Variants in VPS13B observed in about 807,000 individuals in gnomAD.
The protein encoded by VPS13B is vacuolar protein sorting 13 homolog B, also known as intermembrane lipid transfer protein VPS13B.
VPS13B carries 285 observed loss-of-function variants against 426.4 expected under a neutral mutation model. The observed-to-expected ratio is 0.67, with a 90% CI of 0.61 to 0.74. The LOEUF (loss-of-function observed/expected upper bound fraction) is 0.74. Ranked by LOEUF, VPS13B falls within the 30% of genes least tolerant of loss-of-function variation. VPS13B has a pLI of 0.00. For missense variants in VPS13B, 4,537 were observed against 4,782.6 expected (o/e 0.95, Z 1.51); for synonymous variants, 1,676 against 1,676.4 (o/e 1.00, Z 0.01).
chr8:99,618,230 C>T (rs1828189431), intron 33 of VPS13B, among the ~76,000 whole-genome samples: 1 of 141,518 alleles, frequency 7.1e-6, no homozygotes, highest in South Asian at 2.2e-4. Flanking sequence ...TAAGCAGTAG[C>T]AAATGTACTA....
Position 99,324,257 on chromosome 8 carries a change from A to G in VPS13B, c.2824+49003A>G, listed in dbSNP as rs535970201. Among the ~76,000 whole-genome samples the G allele has an allele frequency of 3.9e-5, 6 of 152,356 alleles. No individual in the cohort carries two copies. The South Asian group carries it at 1.2e-3, about 32-fold the overall frequency. ...TAATTTTCACTTTCTCAAACTGTTGAAGTAAATAATTGTTGGGTACCTATT... is the reference window on the plus strand; with the variant it reads ...TAATTTTCACTTTCTCAAACTGTTGGAGTAAATAATTGTTGGGTACCTATT... On this transcript the variant is annotated intron_variant, in intron 19 of 61. Coordinates refer to ENST00000357162, the MANE Select transcript of VPS13B (RefSeq NM_152564.5).
chr8:99,197,273 G>A (rs992776653), intron 17 of VPS13B, among the ~76,000 whole-genome samples: 1 of 152,160 alleles, frequency 6.6e-6, no homozygotes, highest in Non-Finnish European at 1.5e-5. Flanking sequence ...ATATTGGTCT[G>A]TAAGTTTGTT....
intron 57 of VPS13B, among the ~76,000 whole-genome samples, chr8:99,860,309 C>T (rs937502380): frequency 2.1e-4 from 32 of 152,222 alleles, no homozygotes; most frequent in African/African-American, 7.7e-4. Flanking sequence ...CAGCCAGAGT[C>T]ATAAAAACAA....
At chr8:99,628,772 T>A (rs2133906595) in intron 33 of VPS13B, among the ~76,000 whole-genome samples, 1 of 151,874 alleles carries the variant, frequency 6.6e-6, no homozygotes, top group East Asian at 1.9e-4. Flanking sequence ...TTACTAGCTA[T>A]GTGTTTTTTT....
chr8:99,135,527 C>G, intron 10 of VPS13B, 69 bp from the exon 11 acceptor site: 1 of 1,561,468 alleles, frequency 6.4e-7, no homozygotes, highest in East Asian at 2.3e-5. Flanking sequence ...ATCATAAAAT[C>G]AAGGTTTTAT....
intron 19 of VPS13B, among the ~76,000 whole-genome samples, chr8:99,356,417 G>GC (rs1360682038): frequency 6.6e-6 from 1 of 152,306 alleles, no homozygotes; most frequent in African/African-American, 2.4e-5. Flanking sequence ...GGAGGCCCAG[G>GC]CAGGGGGATT....
At position 99,769,159 on chromosome 8, in the gene VPS13B, T is replaced by C. The variant is rs150294449; in HGVS notation, c.7247+2189T>C. 1.7e-3 allele frequency among the ~76,000 whole-genome samples: 264 copies of C among 152,328 alleles called. 1 individual carries two copies. The highest frequency in any genetic ancestry group is 6.2e-3 in the African/African-American group (258 of 41,578). On this transcript the variant is annotated intron_variant, in intron 40 of 61. Coordinates refer to ENST00000357162, the MANE Select transcript of VPS13B (RefSeq NM_152564.5). ...GCATCTGACATTGTAGTCACAGATCTTTGTCCTCACCAGGGATTTTTCACC... is the reference window on the plus strand; with the variant it reads ...GCATCTGACATTGTAGTCACAGATCCTTGTCCTCACCAGGGATTTTTCACC...
At chr8:99,029,745 C>G (rs919707421) in intron 2 of VPS13B, among the ~76,000 whole-genome samples, 3 of 143,726 alleles carry the variant, frequency 2.1e-5, no homozygotes, top group African/African-American at 7.8e-5. Context: ...AGCTTTGGCT[C>G]GGCATCAGAG....
At chr8:99,261,531 T>C (rs1046546882) in intron 17 of VPS13B, among the ~76,000 whole-genome samples, 2 of 152,198 alleles carry the variant, frequency 1.3e-5, no homozygotes, top group African/African-American at 4.8e-5. Context: ...TAAATATCTG[T>C]TTGCAGGTTT....
At chr8:99,717,661 A>T in intron 37 of VPS13B, among the ~76,000 whole-genome samples, 1 of 152,172 alleles carries the variant, frequency 6.6e-6, no homozygotes, top group South Asian at 2.1e-4. Flanking sequence ...ACCCATATCC[A>T]TTAGCAGCCA....
At chr8:99,078,337 G>T (rs1341148560) in intron 3 of VPS13B, among the ~76,000 whole-genome samples, 1 of 148,828 alleles carries the variant, frequency 6.7e-6, no homozygotes, top group African/African-American at 2.5e-5. Context: ...TCTTATAGAT[G>T]CATCTATTAT....
At chr8:99,303,048 A>C (rs1225513928) in intron 19 of VPS13B, among the ~76,000 whole-genome samples, 1 of 151,928 alleles carries the variant, frequency 6.6e-6, no homozygotes, top group Non-Finnish European at 1.5e-5. Context: ...TGGGAGGCCA[A>C]GGCGGGCGGA....
chr8:99,064,682 A>G (rs554718761), intron 3 of VPS13B, among the ~76,000 whole-genome samples: 5 of 152,326 alleles, frequency 3.3e-5, no homozygotes, highest in African/African-American at 1.2e-4. Flanking sequence ...GGAAAACACT[A>G]TGCAGGTTAT....
At chr8:99,114,674 T>C (rs538613943) in intron 6 of VPS13B, among the ~76,000 whole-genome samples, 1 of 152,358 alleles carries the variant, frequency 6.6e-6, no homozygotes, top group East Asian at 1.9e-4. Flanking sequence ...GGTCAGTTTT[T>C]AAAAGCTTGT....
chr8:99,756,819 T>C (rs897246940), intron 39 of VPS13B, among the ~76,000 whole-genome samples: 1 of 152,170 alleles, frequency 6.6e-6, no homozygotes, highest in Non-Finnish European at 1.5e-5. Flanking sequence ...TTAAAGAAAG[T>C]GGAACTGGAA....
intron 23 of VPS13B, among the ~76,000 whole-genome samples, chr8:99,463,194 T>G (rs1264326504): frequency 6.6e-6 from 1 of 152,214 alleles, no homozygotes; most frequent in Non-Finnish European, 1.5e-5. Flanking sequence ...TTCTTTTCAG[T>G]CCCTTCTTCT....
chr8:99,567,831 C>T (rs961143021), intron 31 of VPS13B, among the ~76,000 whole-genome samples: 1 of 152,134 alleles, frequency 6.6e-6, no homozygotes, highest in Non-Finnish European at 1.5e-5. Flanking sequence ...GTTGTTTCAG[C>T]ACCTAGCAAA....
chr8:99,738,835 A>G (rs770310240), intron 39 of VPS13B, among the ~76,000 whole-genome samples: 4 of 152,200 alleles, frequency 2.6e-5, no homozygotes, highest in Non-Finnish European at 4.4e-5. Flanking sequence ...GAACCTGTCT[A>G]TCGAGGGTGG....
At chr8:99,161,828 G>A (rs559128358) in intron 15 of VPS13B, among the ~76,000 whole-genome samples, 161 of 151,388 alleles carry the variant, frequency 1.1e-3, no homozygotes, top group Non-Finnish European at 1.6e-3. Flanking sequence ...CACTTCCCAG[G>A]TTCAAGCGAT....
Sources: allele counts gnomAD v4.1 joint callset (sites outside exome capture counted in the v4.1 genomes callset), GRCh38; gene constraint gnomAD v4.1.1; transcripts MANE v1.5; gene names NCBI Gene and HGNC (gene_info 2026-07-23, HGNC 2026-07-21).